Variants in AGAP1 observed in about 807,000 individuals in gnomAD.
The protein encoded by AGAP1 is arf-GAP with GTPase, ANK repeat and PH domain-containing protein 1.
A neutral mutation model predicts 105.3 loss-of-function variants in AGAP1; 29 were observed. The observed-to-expected ratio is 0.28, with a 90% CI of 0.21 to 0.38. AGAP1 has a LOEUF of 0.38. Ranked by LOEUF, AGAP1 falls within the 10% of genes least tolerant of loss-of-function variation. The probability of loss-of-function intolerance (pLI) is 1.00; values close to 1 mark genes in which losing one functional copy is unlikely to be tolerated. For missense variants in AGAP1, 998 were observed against 1,165.1 expected (o/e 0.86, Z 2.09); for synonymous variants, 509 against 485.9 (o/e 1.05, Z -0.63).
rs1410567848 is a variant in AGAP1 at position 235,807,249 on chromosome 2, G to A, written c.968G>A (p.Gly323Glu). 3 of 1,610,796 alleles carry A rather than the reference G, an allele frequency of 1.9e-6. No individual in the cohort carries two copies. The highest frequency in any genetic ancestry group is 2.5e-6 in the Non-Finnish European group (3 of 1,179,174). Residue 323 changes from glycine (G) to glutamate (E), a missense_variant, in exon 9 of 18, where the codon GGG (glycine) becomes GAG (glutamate). Gly to Glu is a moderately conservative substitution (Grantham distance 98, BLOSUM62 -2). Transcript: ENST00000304032. ...RRSNLFTSRK[G>E]SDPDKEKKGL... The stretch of plus-strand genomic sequence containing the variant: ...CCTTTTGCTTTGCAGTCTCGGAAAG[G>A]GAGCGACCCAGACAAAGAGAAGAAA...
chr2:235,743,247 C>G (rs1246933083), intron 4 of AGAP1, among the ~76,000 whole-genome samples: 5 of 152,186 alleles, frequency 3.3e-5, no homozygotes, highest in African/African-American at 4.8e-5. Context: ...GGGTGCCCCC[C>G]ACACAAGTTG....
At chr2:236,097,917 G>A (rs962010133) in intron 16 of AGAP1, among the ~76,000 whole-genome samples, 9 of 152,156 alleles carry the variant, frequency 5.9e-5, no homozygotes, top group Non-Finnish European at 1.3e-4. Context: ...CTTATAGTAT[G>A]TGTCTTTTGT....
intron 13 of AGAP1, among the ~76,000 whole-genome samples, chr2:236,023,812 G>A (rs1405571418): frequency 6.6e-6 from 1 of 152,064 alleles, no homozygotes; most frequent in East Asian, 1.9e-4. Context: ...TTAGCCTTGT[G>A]GACAGAACAC....
rs1053900461 is a variant in AGAP1 at position 235,588,896 on chromosome 2, G to A, written c.163+94047G>A. Among the ~76,000 whole-genome samples the A allele has an allele frequency of 3.3e-5, 5 of 152,274 alleles. 1 individual carries two copies. Among genetic ancestry groups the A allele is most frequent in the African/African-American group, 1.2e-4 (5 of 41,566 alleles). ...TTCCGGCTGGGAAAGGTCCCGAGTG[G>A]CCTGCTTTCCTGGCTTATTTGAGAA... is the stretch of plus-strand genomic sequence containing the variant. On this transcript the variant is annotated intron_variant, in intron 1 of 17. Coordinates refer to ENST00000304032, the MANE Select transcript of AGAP1 (RefSeq NM_001037131.3).
chr2:235,779,398 G>A (rs562458242), intron 6 of AGAP1, among the ~76,000 whole-genome samples: 10 of 152,332 alleles, frequency 6.6e-5, no homozygotes, highest in African/African-American at 1.9e-4. Flanking sequence ...AATAATTGGG[G>A]ATGAATATTG....
chr2:235,667,943 G>C (rs1011735961), intron 1 of AGAP1, among the ~76,000 whole-genome samples: 1 of 140,382 alleles, frequency 7.1e-6, no homozygotes. Context: ...GGGCAAGAGC[G>C]AGTGAGCCTC....
chr2:235,619,290 A>G (rs541027426), intron 1 of AGAP1, among the ~76,000 whole-genome samples: 5 of 152,298 alleles, frequency 3.3e-5, no homozygotes, highest in South Asian at 4.2e-4. Flanking sequence ...GAGAAGTTGA[A>G]TGATTTGCCC....
chr2:235,758,055 G>A (rs1036534700), intron 6 of AGAP1, among the ~76,000 whole-genome samples: 3 of 152,026 alleles, frequency 2.0e-5, no homozygotes, highest in Admixed American at 1.3e-4. Flanking sequence ...TTTCATTGTC[G>A]GGGTGGCCTG....
rs775406985 is a variant in AGAP1, at chr2:235,621,489, C to G, written c.164-87690C>G. ...CCATTGGCGTTGGCACCATTCTTAC[C>G]TCCTATACCTACGAGGCTGTCATGT... is the stretch of plus-strand genomic sequence containing the variant. On this transcript the variant is annotated intron_variant, in intron 1 of 17. Transcript: ENST00000304032. This position sits in a 1 kb window ranked among gnomAD's most constrained non-coding sequence, Gnocchi z 4.1. 6.6e-6 allele frequency among the ~76,000 whole-genome samples: 1 copy of G among 152,194 alleles called. No individual in the cohort carries two copies. The highest frequency in any genetic ancestry group is 1.5e-5 in the Non-Finnish European group (1 of 68,040).
rs576590673 is a variant in AGAP1, at chr2:236,018,973, G to A, written c.1646-17588G>A. Among the ~76,000 whole-genome samples, 24 of 152,290 alleles carry A rather than the reference G, an allele frequency of 1.6e-4. No individual in the cohort carries two copies. The South Asian group carries it at 3.9e-3, about 25-fold the overall frequency. ...GAAATTTCATCACAGATACAGCTTC[G>A]CGCCTCAGGCCTGCAGTCAGACCCG... On this transcript the variant is annotated intron_variant, in intron 13 of 17. Coordinates refer to ENST00000304032, the MANE Select transcript of AGAP1 (RefSeq NM_001037131.3).
chr2:235,915,027 C>A (rs964368857), intron 11 of AGAP1, among the ~76,000 whole-genome samples: 1 of 152,116 alleles, frequency 6.6e-6, no homozygotes, highest in African/African-American at 2.4e-5. Flanking sequence ...CAGCCCTGAC[C>A]GTAGGTGGTA....
chr2:236,098,191 G>A (rs529787516), intron 16 of AGAP1, among the ~76,000 whole-genome samples: 2 of 152,214 alleles, frequency 1.3e-5, no homozygotes, highest in African/African-American at 2.4e-5. Flanking sequence ...ATTCTTTTGG[G>A]TATATACCTA....
rs1001987816 is a variant in AGAP1, at chr2:235,744,592, A to T, written c.397-106A>T. 4.3e-6 allele frequency: 6 copies of T among 1,397,082 alleles called. No homozygotes were observed. Among genetic ancestry groups the T allele is most frequent in the Admixed American group, 3.6e-5 (2 of 55,906 alleles). 86.5% of individuals were successfully genotyped at this position (1,397,082 alleles called of 1,614,324 possible). ...AAGTCAAGCACCCAGTGTGTGACCG[A>T]GGGGATTCCTGCAGCCCCCTGCTGC... On this transcript the variant is annotated intron_variant, in intron 4 of 17. Coordinates refer to ENST00000304032, the MANE Select transcript of AGAP1 (RefSeq NM_001037131.3). This position sits in a 1 kb window ranked among gnomAD's most constrained non-coding sequence, Gnocchi z 5.2.
chr2:235,927,524 A>T lies in AGAP1; in HGVS notation c.1325-3241A>T, dbSNP rs1453008720. Among the ~76,000 whole-genome samples, 1 of 152,056 alleles carries T rather than the reference A, an allele frequency of 6.6e-6. No individual in the cohort carries two copies. The highest frequency in any genetic ancestry group is 1.9e-4 in the East Asian group (1 of 5,190). On this transcript the variant is annotated intron_variant, in intron 11 of 17. Transcript: ENST00000304032. The surrounding 1 kb of genome is among the most constrained non-coding windows in gnomAD (Gnocchi z 4.4). Reference sequence around the variant, plus strand: ...CTCTCCCTTCCTTTTTGGCAGTGTGATGTTTGGCCATGAGATGAAGAACTC... The same window carrying T: ...CTCTCCCTTCCTTTTTGGCAGTGTGTTGTTTGGCCATGAGATGAAGAACTC...
At chr2:235,760,241 T>C (rs1954324896) in intron 6 of AGAP1, among the ~76,000 whole-genome samples, 1 of 152,140 alleles carries the variant, frequency 6.6e-6, no homozygotes, top group African/African-American at 2.4e-5. Flanking sequence ...TAGCCAGGCA[T>C]GGTGGCGTGT....
chr2:235,820,289 C>T (rs570370179), intron 9 of AGAP1, among the ~76,000 whole-genome samples: 2 of 152,146 alleles, frequency 1.3e-5, no homozygotes, highest in Non-Finnish European at 2.9e-5. Flanking sequence ...TTTTCAGGAA[C>T]ATTATAATTT....
chr2:235,707,849 T>C (rs73124498), intron 1 of AGAP1, among the ~76,000 whole-genome samples: 11,456 of 149,076 alleles, frequency 0.077, 1,398 homozygotes, highest in African/African-American at 0.26. Flanking sequence ...GCTCCCCCAG[T>C]GTGTGACATG....
At chr2:235,818,951 T>A (rs1216418468) in intron 9 of AGAP1, among the ~76,000 whole-genome samples, 2 of 152,172 alleles carry the variant, frequency 1.3e-5, no homozygotes, top group East Asian at 3.9e-4. Context: ...CAAGGCAGGC[T>A]GTTTTACGCA....
At position 236,101,131 on chromosome 2, in the gene AGAP1, G is replaced by A. The variant is rs571148007; in HGVS notation, c.2115-19061G>A. Among the ~76,000 whole-genome samples the A allele has an allele frequency of 1.3e-5, 2 of 152,218 alleles. No individual in the cohort carries two copies. The highest frequency in any genetic ancestry group is 2.9e-5 in the Non-Finnish European group (2 of 68,002). Reference sequence around the variant, plus strand: ...GTCAAAATCCAAATTGATTTTCAATGTGTTTCCCTTTGGTTATTCCCCACT... The same window carrying A: ...GTCAAAATCCAAATTGATTTTCAATATGTTTCCCTTTGGTTATTCCCCACT... On this transcript the variant is annotated intron_variant, in intron 16 of 17. Transcript: ENST00000304032. This position sits in a 1 kb window ranked among gnomAD's most constrained non-coding sequence, Gnocchi z 4.9.
Sources: gnomAD v4.1 joint callset for allele counts (sites outside exome capture counted in the v4.1 genomes callset) on GRCh38, gnomAD v4.1.1 for gene constraint, Gnocchi (gnomAD v3.1) non-coding constraint, MANE v1.5 for transcripts, NCBI Gene and HGNC (gene_info 2026-07-23, HGNC 2026-07-21) for gene names.